Variants in VPS35 observed in about 807,000 individuals in gnomAD.
VPS35 encodes the protein VPS35 retromer complex component.
VPS35 carries 21 observed loss-of-function variants against 98.1 expected under a neutral mutation model. The ratio of observed to expected loss-of-function variants is 0.21; its 90% CI spans 0.15 to 0.31. The LOEUF (loss-of-function observed/expected upper bound fraction) is 0.31, where lower values mean the gene tolerates loss of function less well. VPS35 is among the 10% of genes least tolerant of loss of function. The pLI is 1.00. For missense variants in VPS35, 554 were observed against 950.8 expected, an observed-to-expected ratio of 0.58 and a Z score of 5.49; for synonymous variants, 268 against 318.2, an observed-to-expected ratio of 0.84 and a Z score of 1.68.
chr16:46,662,721 G>T (rs971529338), intron 14 of VPS35, among the ~76,000 whole-genome samples: 1 of 152,116 alleles, frequency 6.6e-6, no homozygotes, highest in East Asian at 1.9e-4. Context: ...ACTGGATTTT[G>T]GGAATTGAGT....
At chr16:46,688,835 A>C (rs1406208111) in intron 1 of VPS35, 1 of 1,401,086 alleles carries the variant, frequency 7.1e-7, no homozygotes, top group Non-Finnish European at 9.3e-7. Context: ...ATTCCACTTA[A>C]AGGAGGCCGC....
rs1280250876 is a variant in VPS35 at position 46,657,095 on chromosome 16, A to G, written c.*3377T>C. ...TGCAGGGTGCCCTACTGGAGTAATC[A>G]GCAATACAAGACCACAAGCCAGGAA... is the stretch of plus-strand genomic sequence containing the variant. On this transcript the variant is annotated 3_prime_UTR_variant, in exon 17 of 17. Coordinates refer to ENST00000299138, the MANE Select transcript of VPS35 (RefSeq NM_018206.6). 6.6e-6 allele frequency: 1 copy of G among 152,246 alleles called. No individual in the cohort carries two copies. The highest frequency in any genetic ancestry group is 2.4e-5 in the African/African-American group (1 of 41,460). The allele number at this position is 152,246 out of a possible 1,614,324, so 9.4% of individuals were successfully genotyped here.
intron 2 of VPS35, chr16:46,682,489 A>G (rs1227543671): frequency 1.3e-5 from 4 of 315,886 alleles, no homozygotes; most frequent in Non-Finnish European, 2.4e-5. Flanking sequence ...TGCAATCAAG[A>G]GAACTGGCAT....
rs1268031597 is a variant in VPS35, at chr16:46,683,404, GT to G, written c.102+103del. 5 of 1,084,286 alleles carry G rather than the reference GT, an allele frequency of 4.6e-6. No individual in the cohort carries two copies. In the East Asian group the frequency reaches 1.3e-4, roughly 27 times the overall value. The allele number at this position is 1,084,286 out of a possible 1,614,324, so 67.2% of individuals were successfully genotyped here. A position where few individuals can be genotyped will look rare whatever the true frequency, so the allele number is the denominator to read the frequency against. On this transcript the variant is annotated intron_variant, in intron 2 of 16. Coordinates refer to ENST00000299138, the MANE Select transcript of VPS35 (RefSeq NM_018206.6). ...GACTGAAGATAGATGCTGGTAAACG[GT>G]GAAGATTAGATTTACCAGAAACACC... is the stretch of plus-strand genomic sequence containing the variant.
In VPS35 at chr16:46,674,552, T is replaced by C. The variant is rs1966115513; in HGVS notation, c.1011+12A>G. 1.6e-5 allele frequency: 25 copies of C among 1,608,508 alleles called. No individual in the cohort carries two copies. Among genetic ancestry groups the C allele is most frequent in the Non-Finnish European group, 2.0e-5 (24 of 1,176,908 alleles). ...CAAAGTTTTGAGAACTTAGGAGAAA[T>C]GCTACACAAACCTGTATCACTGTAG... On this transcript the variant is annotated intron_variant, in intron 9 of 16. Coordinates refer to ENST00000299138, the MANE Select transcript of VPS35 (RefSeq NM_018206.6).
At chr16:46,671,135 AAAGTT>A (rs1966062599) in intron 12 of VPS35, among the ~76,000 whole-genome samples, 1 of 152,184 alleles carries the variant, frequency 6.6e-6, no homozygotes, top group Non-Finnish European at 1.5e-5. Context: ...CAGAAAAAAA[AAAGTT>A]AAGAAAAAGG....
chr16:46,662,917 T>C, intron 14 of VPS35, 66 bp downstream of exon 14: 3 of 1,578,474 alleles, frequency 1.9e-6, no homozygotes, highest in Non-Finnish European at 2.6e-6. Context: ...ATTACCACCA[T>C]GCCTGCAAAC....
intron 1 of VPS35, among the ~76,000 whole-genome samples, chr16:46,686,019 A>G (rs1199168879): frequency 6.6e-6 from 1 of 152,166 alleles, no homozygotes; most frequent in African/African-American, 2.4e-5. Flanking sequence ...TTATCTTTAC[A>G]AATGCAAATA....
At chr16:46,685,286 T>C (rs971825473) in intron 1 of VPS35, among the ~76,000 whole-genome samples, 6 of 152,218 alleles carry the variant, frequency 3.9e-5, no homozygotes, top group African/African-American at 9.6e-5. Flanking sequence ...ATCTGGTCTG[T>C]TTCATTATCT....
chr16:46,689,027 G>T, intron 1 of VPS35, 104 bp downstream of exon 1: 2 of 1,559,470 alleles, frequency 1.3e-6, no homozygotes, highest in Non-Finnish European at 1.7e-6. Flanking sequence ...AATCCCGAAC[G>T]GTCTGTGGGG....
rs1965867477 is a variant in VPS35 at position 46,658,874 on chromosome 16, T to C, written c.*1598A>G. On this transcript the variant is annotated 3_prime_UTR_variant, in exon 17 of 17. Coordinates refer to ENST00000299138, the MANE Select transcript of VPS35 (RefSeq NM_018206.6). ...GCAGATGGTGAGGGGTTAAGTGATG[T>C]AGTCATTTGAAAATGTCTATAAATT... is the stretch of plus-strand genomic sequence containing the variant. 6.6e-6 allele frequency: 1 copy of C among 152,270 alleles called. No individual in the cohort carries two copies. Among genetic ancestry groups the C allele is most frequent in the African/African-American group, 2.4e-5 (1 of 41,482 alleles). The allele number at this position is 152,270 out of a possible 1,614,324, so 9.4% of individuals were successfully genotyped here.
At position 46,681,630 on chromosome 16, in the gene VPS35, G is replaced by A. The variant is rs370770288; in HGVS notation, c.200-130C>T. On this transcript the variant is annotated intron_variant, in intron 3 of 16. Transcript: ENST00000299138. Reference sequence around the variant, plus strand: ...TAGTCCTTTAAGAAAGTGTTCAAGCGAAGGATGAATTTTAGCCGGACTTTT... The same window carrying A: ...TAGTCCTTTAAGAAAGTGTTCAAGCAAAGGATGAATTTTAGCCGGACTTTT... 2.1e-4 allele frequency: 238 copies of A among 1,120,722 alleles called. 1 individual carries two copies. The South Asian group carries it at 2.2e-3, about 10-fold the overall frequency. 69.4% of individuals were successfully genotyped at this position (1,120,722 alleles called of 1,614,324 possible). A position where few individuals can be genotyped will look rare whatever the true frequency, so the allele number is the denominator to read the frequency against.
At chr16:46,669,842 T>C (rs1966042791) in intron 12 of VPS35, among the ~76,000 whole-genome samples, 1 of 152,166 alleles carries the variant, frequency 6.6e-6, no homozygotes, top group Admixed American at 6.6e-5. Context: ...GAAGATCAAG[T>C]GACACATGTG....
intron 2 of VPS35, 64 bp from the exon 3 acceptor site, chr16:46,682,239 A>G (rs750295975): frequency 7.9e-7 from 1 of 1,263,624 alleles, no homozygotes; most frequent in Non-Finnish European, 1.1e-6. Flanking sequence ...TCTTGGTTGT[A>G]CAAATTCTTT....
intron 8 of VPS35, 96 bp from the exon 9 acceptor site, chr16:46,674,756 T>C: frequency 8.8e-7 from 1 of 1,141,642 alleles, no homozygotes; most frequent in Non-Finnish European, 1.3e-6. Flanking sequence ...TTTTCTATAT[T>C]TTGTATGAGC....
intron 12 of VPS35, chr16:46,669,298 A>G (rs916908417): frequency 1.9e-6 from 1 of 520,984 alleles, no homozygotes; most frequent in Non-Finnish European, 3.4e-6. Context: ...TGCCCAAGGT[A>G]GCGAGTTAGA....
intron 10 of VPS35, among the ~76,000 whole-genome samples, chr16:46,673,123 A>T (rs927678240): frequency 2.0e-5 from 3 of 151,664 alleles, no homozygotes; most frequent in East Asian, 1.9e-4. Flanking sequence ...TTTAATTTAA[A>T]TTTTTTTTAT....
chr16:46,687,729 G>A (rs1966341429), intron 1 of VPS35, among the ~76,000 whole-genome samples: 1 of 152,070 alleles, frequency 6.6e-6, no homozygotes, highest in African/African-American at 2.4e-5. Flanking sequence ...GGAATTTTAG[G>A]GCTGGGAAGG....
chr16:46,663,226 A>G (rs747146691), intron 13 of VPS35, 64 bp from the exon 14 acceptor site: 48 of 1,450,024 alleles, frequency 3.3e-5, no homozygotes, highest in Non-Finnish European at 4.6e-5. Context: ...CAGGATATCC[A>G]TTTTAATAGA....
Sources: gnomAD v4.1 joint callset for allele counts (sites outside exome capture counted in the v4.1 genomes callset) on GRCh38, gnomAD v4.1.1 for gene constraint, MANE v1.5 for transcripts, NCBI Gene and HGNC (gene_info 2026-07-23, HGNC 2026-07-21) for gene names.